Variants in GNA14 observed in about 807,000 individuals in gnomAD.
GNA14 encodes G protein subunit alpha 14, also known as guanine nucleotide-binding protein subunit alpha-14.
Under a neutral mutation model 42.0 loss-of-function variants are expected in GNA14, and 50 were observed. The ratio of observed to expected loss-of-function variants is 1.19; its 90% CI spans 0.95 to 1.51. The LOEUF is 1.51. Among genes scored for constraint, GNA14 ranks in the 40% most tolerant of loss-of-function variants. The pLI, the probability that GNA14 is intolerant of heterozygous loss-of-function variation, is 0.00. For missense variants in GNA14, 473 were observed against 446.2 expected (o/e 1.06, Z -0.54); for synonymous variants, 173 against 163.1 (o/e 1.06, Z -0.46).
intron 2 of GNA14, among the ~76,000 whole-genome samples, chr9:77,481,902 G>A (rs567848440): frequency 1.8e-4 from 27 of 152,090 alleles, no homozygotes; most frequent in African/African-American, 6.0e-4. Context: ...CATTTGCTTG[G>A]TAGATCTTCC....
In GNA14 at chr9:77,643,240, A is replaced by ATTT. The variant is rs113345502; in HGVS notation, c.124+4427_124+4429dup. ...TTCTTCAGAGTGGGAAGGTGTTGTC[A>ATTT]TTTTTTTTTTTTTTTTGAGACAGAG... On this transcript the variant is annotated intron_variant, in intron 1 of 6. Transcript: ENST00000341700. 7.3e-4 allele frequency among the ~76,000 whole-genome samples: 100 copies of ATTT among 137,334 alleles called. No homozygotes were observed. In the Middle Eastern group the frequency reaches 0.011, roughly 16 times the overall value. The allele number at this position is 137,334 out of a possible 152,430, so 90.1% of individuals were successfully genotyped here.
chr9:77,425,698 G>T lies in GNA14; in HGVS notation c.741C>A (p.Ser247Arg), dbSNP rs1439458039. The change falls in exon 6 of 7, where the codon AGC becomes AGA. Residue 247 changes from serine to arginine, a missense_variant. Ser to Arg is a moderately radical substitution (Grantham distance 110). Transcript: ENST00000341700. ...TGATGATGGTTTTAAATAAGGCTTT[G>T]CTCTCTTCCATGCGATTCTAAGTGA... ...ECDNENRMEE[S>R]KALFKTIITY... 1 of 1,605,620 alleles carries T rather than the reference G, an allele frequency of 6.2e-7. No homozygotes were observed. The highest frequency in any genetic ancestry group is 1.7e-5 in the Admixed American group (1 of 58,318).
At chr9:77,555,401 G>A (rs1822759113) in intron 1 of GNA14, among the ~76,000 whole-genome samples, 1 of 152,146 alleles carries the variant, frequency 6.6e-6, no homozygotes, top group African/African-American at 2.4e-5. Context: ...CTACTCATGA[G>A]GCTAAGGTGG....
intron 2 of GNA14, among the ~76,000 whole-genome samples, chr9:77,485,736 C>T (rs1836648732): frequency 6.6e-6 from 1 of 152,130 alleles, no homozygotes; most frequent in Non-Finnish European, 1.5e-5. Flanking sequence ...TGTACATCTC[C>T]ATCAGAGCGC....
At chr9:77,492,438 A>C (rs76596782) in intron 2 of GNA14, among the ~76,000 whole-genome samples, 3,935 of 152,118 alleles carry the variant, frequency 0.026, 170 homozygotes, top group African/African-American at 0.088. Context: ...AAAAAGAGAG[A>C]GAGAAGATGC....
chr9:77,588,902 TGC>T (rs1313494748), intron 1 of GNA14, among the ~76,000 whole-genome samples: 1 of 152,202 alleles, frequency 6.6e-6, no homozygotes, highest in Non-Finnish European at 1.5e-5. Flanking sequence ...AACCTGCTTT[TGC>T]CACTGTCTAA....
intron 1 of GNA14, among the ~76,000 whole-genome samples, chr9:77,558,685 T>G (rs1303354748): frequency 6.6e-6 from 1 of 152,172 alleles, no homozygotes; most frequent in African/African-American, 2.4e-5. Context: ...TGGACCCATG[T>G]GTCACTGTGT....
chr9:77,429,768 G>A (rs2148880), intron 4 of GNA14, among the ~76,000 whole-genome samples: 82,092 of 152,102 alleles, frequency 0.54, 22,427 homozygotes, highest in East Asian at 0.68. Context: ...AGAACAAGAC[G>A]CAGGCTTGCC....
At chr9:77,547,348 T>C (rs1166611393) in intron 1 of GNA14, among the ~76,000 whole-genome samples, 3 of 152,194 alleles carry the variant, frequency 2.0e-5, no homozygotes, top group Non-Finnish European at 4.4e-5. Context: ...AAAATCCTAT[T>C]TGATGTATCT....
chr9:77,641,628 A>C (rs1035820493), intron 1 of GNA14, among the ~76,000 whole-genome samples: 7 of 152,192 alleles, frequency 4.6e-5, no homozygotes. Flanking sequence ...TCGTAGAAGC[A>C]ATGACTTTGT....
chr9:77,513,082 T>A (rs1199096214), intron 2 of GNA14, among the ~76,000 whole-genome samples: 1 of 152,234 alleles, frequency 6.6e-6, no homozygotes, highest in Non-Finnish European at 1.5e-5. Flanking sequence ...TGATAGAGAT[T>A]ACACTGACAG....
chr9:77,449,235 A>G (rs1047405499), intron 2 of GNA14, among the ~76,000 whole-genome samples: 1 of 152,212 alleles, frequency 6.6e-6, no homozygotes, highest in African/African-American at 2.4e-5. Flanking sequence ...AGGCTAAACC[A>G]TATAGGTTTG....
chr9:77,477,458 T>A (rs536885919), intron 2 of GNA14, among the ~76,000 whole-genome samples: 1 of 152,046 alleles, frequency 6.6e-6, no homozygotes, highest in African/African-American at 2.4e-5. Flanking sequence ...GCAGCCAGAG[T>A]TGAAATCAGA....
At chr9:77,633,306 A>G (rs1192104610) in intron 1 of GNA14, among the ~76,000 whole-genome samples, 1 of 152,144 alleles carries the variant, frequency 6.6e-6, no homozygotes, top group African/African-American at 2.4e-5. Context: ...TCACTAGAAG[A>G]CCAGCAGAAA....
At chr9:77,507,957 A>G (rs1837097532) in intron 2 of GNA14, among the ~76,000 whole-genome samples, 1 of 152,134 alleles carries the variant, frequency 6.6e-6, no homozygotes. Context: ...ACCTCAGGTG[A>G]TCCACCCGCC....
At chr9:77,616,055 G>A (rs117865770) in intron 1 of GNA14, among the ~76,000 whole-genome samples, 122 of 152,242 alleles carry the variant, frequency 8.0e-4, no homozygotes, top group Non-Finnish European at 1.6e-3. Flanking sequence ...AGGATAGGAT[G>A]AGGAATGCCC....
chr9:77,429,486 T>C (rs1266148162), intron 4 of GNA14, among the ~76,000 whole-genome samples: 1 of 152,196 alleles, frequency 6.6e-6, no homozygotes, highest in Admixed American at 6.5e-5. Flanking sequence ...CTGTAAATCC[T>C]TTCTGCATTC....
intron 1 of GNA14, among the ~76,000 whole-genome samples, chr9:77,589,404 TG>T (rs1472353131): frequency 2.6e-5 from 4 of 152,208 alleles, no homozygotes; most frequent in African/African-American, 9.7e-5. Context: ...TTTTTTGTTT[TG>T]TTTTTTTGTT....
chr9:77,493,046 T>TATATATATATATATATA (rs1564030867), intron 2 of GNA14, among the ~76,000 whole-genome samples: 20 of 136,562 alleles, frequency 1.5e-4, no homozygotes, highest in South Asian at 2.3e-4. Context: ...TATATATATA[T>TATATATATATATATATA]TTGGGAGATG....
Sources: gnomAD v4.1 joint callset for allele counts (sites outside exome capture counted in the v4.1 genomes callset) on GRCh38, gnomAD v4.1.1 for gene constraint, MANE v1.5 for transcripts, NCBI Gene and HGNC (gene_info 2026-07-23, HGNC 2026-07-21) for gene names.